SAMD9L: variants seen among roughly 807,000 people sequenced by gnomAD.
SAMD9L encodes the protein sterile alpha motif domain containing 9 like, also known as sterile alpha motif domain-containing protein 9-like.
A neutral mutation model predicts 90.7 loss-of-function variants in SAMD9L; 68 were observed. The ratio of observed to expected loss-of-function variants is 0.75; its 90% CI spans 0.62 to 0.92. The LOEUF (loss-of-function observed/expected upper bound fraction) is 0.92. Among genes scored for constraint, SAMD9L ranks in the 40% least tolerant of loss-of-function variants. The pLI is 0.00. For synonymous variants in SAMD9L, 640 were observed against 630.1 expected (o/e 1.02, Z -0.23); for missense variants, 1,604 against 1,824.3 (o/e 0.88, Z 2.20).
Position 93,132,952 on chromosome 7 carries a change from T to C in SAMD9L, c.3020A>G (p.Asp1007Gly). The change falls in exon 5 of 5, where the codon GAT becomes GGT. Residue 1007 changes from aspartate (D) to glycine (G), a missense_variant. Coordinates refer to ENST00000318238, the MANE Select transcript of SAMD9L (RefSeq NM_152703.5). ...LKELERSYHL[D>G]KCQIALNILE... ...TATATTCAATGCAATTTGACATTTA[T>C]CCAAGTGATAGCTTCTTTCCAGTTC... 6.2e-7 allele frequency: 1 copy of C among 1,613,536 alleles called. No homozygotes were observed. Among genetic ancestry groups the C allele is most frequent in the Non-Finnish European group, 8.5e-7 (1 of 1,179,724 alleles).
rs71830352 is a variant in SAMD9L at position 93,130,660 on chromosome 7, AGT to A, written c.*555_*556del. Reference sequence around the variant, plus strand: ...TGGGAGAAGGGCAAGGGGTACAAGGAGTGTGTGTGTGTGTGTGTGTGTGTGTG... The same window carrying A: ...TGGGAGAAGGGCAAGGGGTACAAGGAGTGTGTGTGTGTGTGTGTGTGTGTG... On this transcript the variant is annotated 3_prime_UTR_variant, in exon 5 of 5. Transcript: ENST00000318238. 0.13 allele frequency: 18,039 copies of A among 136,088 alleles called. 847 individuals carry two copies. Among genetic ancestry groups the A allele is most frequent in the East Asian group, 0.2 (898 of 4,422 alleles). 8.4% of individuals were successfully genotyped at this position (136,088 alleles called of 1,614,324 possible). A position where few individuals can be genotyped will look rare whatever the true frequency, so the allele number is the denominator to read the frequency against.
In SAMD9L at chr7:93,131,254, A is replaced by T. The variant is rs371764964; in HGVS notation, c.4718T>A (p.Ile1573Asn). Residue 1573 changes from isoleucine (I) to asparagine (N), a missense_variant, in exon 5 of 5, where the codon ATT becomes AAT. By Grantham distance (149) the Ile-to-Asn change is moderately radical. This residue lies in a region of SAMD9L where 282 missense variants were observed against 329.6 expected (regional missense o/e 0.86). Coordinates refer to ENST00000318238, the MANE Select transcript of SAMD9L (RefSeq NM_152703.5). ...TATATCATATGCCAGAGGGCCTTCA[A>T]TGGAAAATCCTAGGTAGAAAGACAC... is the stretch of plus-strand genomic sequence containing the variant. ...ERVSFYLGFS[I>N]EGPLAYDIEV... 100 of 1,585,940 alleles carry T rather than the reference A, an allele frequency of 6.3e-5. No homozygotes were observed. The South Asian group carries it at 1.1e-3, about 18-fold the overall frequency.
At chr7:93,146,066 A>G (rs1387821614) in intron 2 of SAMD9L, 26 bp from the exon 3 acceptor site, 3 of 152,238 alleles carry the variant, frequency 2.0e-5, no homozygotes, top group East Asian at 1.9e-4. Flanking sequence ...CATCATATCA[A>G]TGTTGTGTCC....
intron 4 of SAMD9L, among the ~76,000 whole-genome samples, chr7:93,141,967 C>T (rs1217013981): frequency 6.6e-6 from 1 of 152,162 alleles, no homozygotes; most frequent in Non-Finnish European, 1.5e-5. Flanking sequence ...TGCTCACTTC[C>T]CTCCAGCTGC....
At position 93,135,192 on chromosome 7, in the gene SAMD9L, G is replaced by A. The variant is rs1343563843; in HGVS notation, c.780C>T (p.Phe260=). 6.2e-7 allele frequency: 1 copy of A among 1,613,984 alleles called. No individual in the cohort carries two copies. Among genetic ancestry groups the A allele is most frequent in the Admixed American group, 1.7e-5 (1 of 60,016 alleles). Residue 260 remains phenylalanine (F), a synonymous_variant, in exon 5 of 5, where the codon TTC becomes TTT. Transcript: ENST00000318238. ...VGVKITSKAA[F]IDHFNVMIKK... ...TGATCATTACATTGAAGTGGTCAAT[G>A]AAGGCAGCCTTACTGGTGATTTTCA... is the stretch of plus-strand genomic sequence containing the variant.
rs1007797189 is a variant in SAMD9L, at chr7:93,130,928, C to T, written c.*289G>A. On this transcript the variant is annotated 3_prime_UTR_variant, in exon 5 of 5. Transcript: ENST00000318238. ...TTGAGTTTAACACAGATTTTATTGC[C>T]CTATAGACAGTTATGATGTGACCAG... is the stretch of plus-strand genomic sequence containing the variant. 7.9e-6 allele frequency: 2 copies of T among 253,524 alleles called. No individual in the cohort carries two copies. Among genetic ancestry groups the T allele is most frequent in the Non-Finnish European group, 1.5e-5 (2 of 135,552 alleles). The allele number at this position is 253,524 out of a possible 1,614,324, so 15.7% of individuals were successfully genotyped here. A position where few individuals can be genotyped will look rare whatever the true frequency, so the allele number is the denominator to read the frequency against.
chr7:93,131,899 T>C lies in SAMD9L; in HGVS notation c.4073A>G (p.Glu1358Gly). The change falls in exon 5 of 5, where the codon GAA (glutamate) becomes GGA (glycine). Residue 1358 changes from glutamate (E) to glycine (G), a missense_variant. Coordinates refer to ENST00000318238, the MANE Select transcript of SAMD9L (RefSeq NM_152703.5). Reference protein sequence around the residue: ...NPNYKDATTMESIVNEYAFLL... With the variant: ...NPNYKDATTMGSIVNEYAFLL... ...GAAGGCATATTCATTCACTATACTT[T>C]CCATGGTGGTAGCATCTTTGTAGTT... The C allele has an allele frequency of 6.2e-7, 1 of 1,612,714 alleles. No homozygotes were observed. Among genetic ancestry groups the C allele is most frequent in the South Asian group, 1.1e-5 (1 of 91,070 alleles).
Position 93,135,011 on chromosome 7 carries a change from A to T in SAMD9L, c.961T>A (p.Phe321Ile), listed in dbSNP as rs1381199238. 1 of 1,612,954 alleles carries T rather than the reference A, an allele frequency of 6.2e-7. No homozygotes were observed. Among genetic ancestry groups the T allele is most frequent in the African/African-American group, 1.3e-5 (1 of 75,044 alleles). ...TTACAAATTTGCATCTGAATGTAGA[A>T]ATACTTATCATTACATATAGAGTGT... ...PKHSICNDKY[F>I]YIQMQICKDK... The change falls in exon 5 of 5, where the codon TTC becomes ATC. Residue 321 changes from phenylalanine to isoleucine, a missense_variant. This residue lies in a region of SAMD9L where 374 missense variants were observed against 363.6 expected (regional missense o/e 1.03). Coordinates refer to ENST00000318238, the MANE Select transcript of SAMD9L (RefSeq NM_152703.5).
In SAMD9L at chr7:93,132,328, G is replaced by A. The variant is rs1224907650; in HGVS notation, c.3644C>T (p.Pro1215Leu). 6.2e-7 allele frequency: 1 copy of A among 1,613,808 alleles called. No homozygotes were observed. Among genetic ancestry groups the A allele is most frequent in the African/African-American group, 1.3e-5 (1 of 74,998 alleles). Residue 1215 changes from proline (P) to leucine (L), a missense_variant, in exon 5 of 5, where the codon CCC becomes CTC. By Grantham distance (98) the Pro-to-Leu change is moderately conservative. Transcript: ENST00000318238. ...TAATTCATTTTCTTTGTGGAAAAAG[G>A]GAGTGAGCTGAAGAATCTGGATAGT... is the stretch of plus-strand genomic sequence containing the variant. ...LYTIQILQLT[P>L]FFHKENELSK... is the part of the protein sequence containing the mutation.
Position 93,133,800 on chromosome 7 carries a change from G to T in SAMD9L, c.2172C>A (p.Cys724Ter). The T allele has an allele frequency of 3.1e-6, 5 of 1,613,746 alleles. No homozygotes were observed. The highest frequency in any genetic ancestry group is 4.2e-6 in the Non-Finnish European group (5 of 1,179,854). Residue 724 changes from cysteine to a stop codon, truncating the protein, a stop_gained, in exon 5 of 5, where the codon TGC becomes TGA. Coordinates refer to ENST00000318238, the MANE Select transcript of SAMD9L (RefSeq NM_152703.5). LOFTEE classifies it high-confidence loss of function. ...ATATTGGTTTAGGAGACTCTGCCCA[G>T]CAGTGTATTAAATCTTTAAGCTTTT... ...SYEKLKDLIH[C>*]WAESPKPIFA...
At position 93,134,978 on chromosome 7, in the gene SAMD9L, T is replaced by A. The variant is rs1284394627; in HGVS notation, c.994A>T (p.Ile332Leu). 1.2e-6 allele frequency: 2 copies of A among 1,613,276 alleles called. No individual in the cohort carries two copies. The highest frequency in any genetic ancestry group is 4.5e-5 in the East Asian group (2 of 44,858). The change falls in exon 5 of 5, where the codon ATA becomes TTA. Residue 332 changes from isoleucine to leucine, a missense_variant. By Grantham distance (5) the Ile-to-Leu change is conservative. Around this residue, in one of 7 missense-constraint regions of SAMD9L, gnomAD observed 374 missense variants for 363.6 expected, o/e 1.03. Transcript: ENST00000318238. The stretch of plus-strand genomic sequence containing the variant: ...GAAAGATTTTGGTTTTGTTTCCATA[T>A]TTTATCTTTACAAATTTGCATCTGA... ...YIQMQICKDKIWKQNQNLSLF... is the reference protein window; with the variant it reads ...YIQMQICKDKLWKQNQNLSLF...
At chr7:93,146,747 C>T (rs1431698450) in intron 2 of SAMD9L, 136 bp downstream of exon 2, 1 of 152,062 alleles carries the variant, frequency 6.6e-6, no homozygotes, top group African/African-American at 2.4e-5. Flanking sequence ...CCCGTTAGGC[C>T]AGAATGAACT....
intron 4 of SAMD9L, among the ~76,000 whole-genome samples, chr7:93,140,001 CTTATAG>C (rs1366759517): frequency 3.3e-5 from 5 of 152,200 alleles, no homozygotes; most frequent in Non-Finnish European, 5.9e-5. Flanking sequence ...CTGGTACACT[CTTATAG>C]TTAAACTACA....
intron 1 of SAMD9L, 108 bp downstream of exon 1, chr7:93,148,086 G>A (rs1035497353): frequency 5.3e-5 from 8 of 152,080 alleles, no homozygotes; most frequent in South Asian, 4.1e-4. Flanking sequence ...ATAAGTAATC[G>A]TTTATGTACA....
intron 4 of SAMD9L, among the ~76,000 whole-genome samples, chr7:93,137,255 T>C (rs1322472957): frequency 2.0e-5 from 3 of 152,206 alleles, no homozygotes; most frequent in Non-Finnish European, 2.9e-5. Context: ...ATGGGTGAGC[T>C]GGCAAAGCTT....
Position 93,134,190 on chromosome 7 carries a change from T to C in SAMD9L, c.1782A>G (p.Leu594=). 1 of 1,613,472 alleles carries C rather than the reference T, an allele frequency of 6.2e-7. No individual in the cohort carries two copies. Among genetic ancestry groups the C allele is most frequent in the Non-Finnish European group, 8.5e-7 (1 of 1,179,612 alleles). Residue 594 remains leucine, a synonymous_variant, in exon 5 of 5, where the codon CTA becomes CTG. Coordinates refer to ENST00000318238, the MANE Select transcript of SAMD9L (RefSeq NM_152703.5). The stretch of plus-strand genomic sequence containing the variant: ...CATCTTCCATCTTCATTCTTGTTTG[T>C]AGTAGATCTTTCCATCGTTGATAAA... ...SHIYQRWKDL[L]QTRMKMEDEL...
chr7:93,131,325 T>C lies in SAMD9L; in HGVS notation c.4647A>G (p.Ile1549Met). The C allele has an allele frequency of 6.2e-7, 1 of 1,613,362 alleles. No individual in the cohort carries two copies. The stretch of plus-strand genomic sequence containing the variant: ...TTCTGAGTGGACCTGAATAAACAGA[T>C]ATTACTGGTATTTTTATTTTTTCCT... ...GTEEKIKIPV[I>M]SVYSGPLRSG... Residue 1549 changes from isoleucine to methionine, a missense_variant, in exon 5 of 5, where the codon ATA becomes ATG. Coordinates refer to ENST00000318238, the MANE Select transcript of SAMD9L (RefSeq NM_152703.5).
Position 93,135,663 on chromosome 7 carries a change from A to AT in SAMD9L, c.308dup (p.Asn103LysfsTer16), listed in dbSNP as rs758545647. The AT allele has an allele frequency of 7.3e-4, 1,186 of 1,613,768 alleles. 1 individual carries two copies. The highest frequency in any genetic ancestry group is 9.5e-4 in the Non-Finnish European group (1,119 of 1,179,910). ...CTTCTTCCTTTTTGGTGTGTTTTGG[A>AT]TTTTTCTGGTGTTCTGTTTTGGACG... On this transcript the variant is annotated frameshift_variant, in exon 5 of 5. Transcript: ENST00000318238. LOFTEE classifies it low-confidence loss of function (END_TRUNC).
chr7:93,137,195 A>C (rs897606749), intron 4 of SAMD9L, among the ~76,000 whole-genome samples: 1 of 152,214 alleles, frequency 6.6e-6, no homozygotes, highest in Non-Finnish European at 1.5e-5. Context: ...GACCAGTACC[A>C]GTCTCTAGCC....
Sources: allele counts gnomAD v4.1 joint callset (sites outside exome capture counted in the v4.1 genomes callset), GRCh38; gene constraint gnomAD v4.1.1; regional missense constraint gnomAD v4.1.1; transcripts MANE v1.5; gene names NCBI Gene and HGNC (gene_info 2026-07-23, HGNC 2026-07-21).